WNT5A: variants seen among roughly 807,000 people sequenced by gnomAD.
The protein encoded by WNT5A is Wnt family member 5A, also known as protein Wnt-5a.
A neutral mutation model predicts 42.1 loss-of-function variants in WNT5A; 9 were observed. The ratio of observed to expected loss-of-function variants is 0.21; its 90% CI spans 0.13 to 0.37. The LOEUF (loss-of-function observed/expected upper bound fraction) is 0.37. WNT5A is among the 10% of genes least tolerant of loss of function. The probability of loss-of-function intolerance (pLI) is 1.00; values close to 1 mark genes in which losing one functional copy is unlikely to be tolerated. For missense variants in WNT5A, 426 were observed against 534.0 expected, an observed-to-expected ratio of 0.80 and a Z score of 1.99; for synonymous variants, 210 against 210.0, an observed-to-expected ratio of 1.00 and a Z score of 0.00.
the WNT5A span, among the ~76,000 whole-genome samples, chr3:55,501,247 T>C: frequency 6.6e-6 from 1 of 152,170 alleles, no homozygotes; most frequent in Non-Finnish European, 1.5e-5. Context: ...TGGCCTTAAA[T>C]GAGATTTCTG....
At chr3:55,471,355 C>T (rs915728349) in intron 4 of WNT5A, among the ~76,000 whole-genome samples, 3 of 152,156 alleles carry the variant, frequency 2.0e-5, no homozygotes, top group African/African-American at 7.2e-5. Context: ...ACCCCATCTA[C>T]TACCCCGCTA....
upstream of WNT5A, among the ~76,000 whole-genome samples, chr3:55,493,623 A>T (rs1240776711): frequency 6.6e-6 from 1 of 152,248 alleles, no homozygotes; most frequent in Non-Finnish European, 1.5e-5. Flanking sequence ...TGACTCACAC[A>T]GAGAACGTGT....
upstream of WNT5A, among the ~76,000 whole-genome samples, chr3:55,494,698 C>T (rs1022188330): frequency 6.6e-6 from 1 of 152,178 alleles, no homozygotes; most frequent in Non-Finnish European, 1.5e-5. Context: ...GCCACCACGC[C>T]TGGCTAATTT....
At chr3:55,494,122 A>T (rs1468994485), upstream of WNT5A, 1 of 152,376 alleles carries the variant, frequency 6.6e-6, no homozygotes, top group South Asian at 2.1e-4. Flanking sequence ...ACATGGAAGA[A>T]GCAGACTTTT....
upstream of WNT5A, among the ~76,000 whole-genome samples, chr3:55,491,152 C>T (rs1054121218): frequency 4.6e-5 from 7 of 152,296 alleles, no homozygotes; most frequent in Middle Eastern, 3.4e-3. Context: ...GGAGAACCAA[C>T]TTGAAATCCC....
In WNT5A at chr3:55,468,231, T is replaced by A. The variant is rs573431028; in HGVS notation, c.*1861A>T. ...ACTGTCATTTCTAATAGGCATGGGT[T>A]TCCATTCTGCAGAATGAACTAAGAA... On this transcript the variant is annotated 3_prime_UTR_variant, in exon 5 of 5. Coordinates refer to ENST00000264634, the MANE Select transcript of WNT5A (RefSeq NM_003392.7). The A allele has an allele frequency of 7.6e-4, 115 of 152,112 alleles. No homozygotes were observed. The highest frequency in any genetic ancestry group is 2.7e-3 in the African/African-American group (111 of 41,534). 9.4% of individuals were successfully genotyped at this position (152,112 alleles called of 1,614,324 possible).
In WNT5A at chr3:55,470,314, G is replaced by A. The variant is rs2051223665; in HGVS notation, c.921C>T (p.Asp307=). 1 of 1,614,066 alleles carries A rather than the reference G, an allele frequency of 6.2e-7. No homozygotes were observed. The highest frequency in any genetic ancestry group is 8.5e-7 in the Non-Finnish European group (1 of 1,179,908). ...CGGTGCTCTCATTGCGCACGCAGTA[G>A]TCAGGGCTGGGGTCGATGTAGACCA... ...QDLVYIDPSP[D]YCVRNESTGS... The change falls in exon 5 of 5, where the codon GAC becomes GAT. Residue 307 remains aspartate (D), a synonymous_variant. Transcript: ENST00000264634.
At chr3:55,475,140 T>C (rs1021056088) in intron 3 of WNT5A, among the ~76,000 whole-genome samples, 4 of 152,310 alleles carry the variant, frequency 2.6e-5, no homozygotes, top group Admixed American at 6.5e-5. Context: ...CAGTGCTGGA[T>C]TGATTTTCTC....
chr3:55,470,892 C>A (rs150809587), intron 4 of WNT5A, among the ~76,000 whole-genome samples: 1 of 152,208 alleles, frequency 6.6e-6, no homozygotes, highest in Non-Finnish European at 1.5e-5. Flanking sequence ...AATGCATTAC[C>A]TGAATTAATC....
At chr3:55,500,418 T>C in the WNT5A span, among the ~76,000 whole-genome samples, 1 of 152,260 alleles carries the variant, frequency 6.6e-6, no homozygotes, top group African/African-American at 2.4e-5. Context: ...AGTTAAGTTT[T>C]GGTTCACTAA....
At chr3:55,500,376 A>G in the WNT5A span, among the ~76,000 whole-genome samples, 12 of 152,268 alleles carry the variant, frequency 7.9e-5, no homozygotes. Context: ...ATGGATGGCC[A>G]TGAATACCCA....
Position 55,487,205 on chromosome 3 carries a change from A to C in WNT5A, c.-220T>G. On this transcript the variant is annotated 5_prime_UTR_variant, in exon 1 of 5. Coordinates refer to ENST00000264634, the MANE Select transcript of WNT5A (RefSeq NM_003392.7). ...GGGCAGAGCTGGGATGCGCCCAGGA[A>C]TGGAGGGGGCGCGGACGCGCGCGAG... The C allele has an allele frequency of 5.9e-6, 3 of 505,982 alleles. No individual in the cohort carries two copies. Among genetic ancestry groups the C allele is most frequent in the African/African-American group, 2.1e-5 (1 of 48,462 alleles). The allele number at this position is 505,982 out of a possible 1,614,324, so 31.3% of individuals were successfully genotyped here.
intron 1 of WNT5A, chr3:55,481,400 C>T (rs928528075): frequency 1.0e-6 from 1 of 984,868 alleles, no homozygotes; most frequent in East Asian, 1.1e-4. Context: ...GAGTGGAGCG[C>T]GCTGCCGCCA....
chr3:55,492,934 C>T (rs1328612473), upstream of WNT5A, among the ~76,000 whole-genome samples: 1 of 152,202 alleles, frequency 6.6e-6, no homozygotes, highest in Non-Finnish European at 1.5e-5. Flanking sequence ...GAACACCAGA[C>T]GTGCACACAA....
chr3:55,470,996 G>A (rs988105125), intron 4 of WNT5A, among the ~76,000 whole-genome samples: 2 of 152,096 alleles, frequency 1.3e-5, no homozygotes, highest in East Asian at 3.9e-4. Context: ...CCCAACTCCC[G>A]GGGAGTAAAG....
At chr3:55,493,589 C>A (rs1029226446), upstream of WNT5A, among the ~76,000 whole-genome samples, 2 of 152,110 alleles carry the variant, frequency 1.3e-5, no homozygotes, top group Non-Finnish European at 2.9e-5. Context: ...TGGCCTTGTT[C>A]ATAGTTGTGA....
chr3:55,472,628 AG>A (rs890993670), intron 4 of WNT5A, among the ~76,000 whole-genome samples: 3 of 152,166 alleles, frequency 2.0e-5, no homozygotes, highest in African/African-American at 7.2e-5. Context: ...GGCCTGAGAA[AG>A]GAGAGGCCAC....
At chr3:55,499,972 C>CCCCG in the WNT5A span, among the ~76,000 whole-genome samples, 2 of 75,694 alleles carry the variant, frequency 2.6e-5, no homozygotes, top group African/African-American at 1.8e-4. Context: ...GAGACTCCAT[C>CCCCG]CCCCCTCCAA....
At chr3:55,486,904 G>A (rs2051588069) in intron 1 of WNT5A, 76 bp downstream of exon 1, 1 of 1,028,474 alleles carries the variant, frequency 9.7e-7, no homozygotes, top group Non-Finnish European at 1.5e-6. Flanking sequence ...AGGAAGAGGC[G>A]AAGGGAACTC....
Sources: allele counts gnomAD v4.1 joint callset (sites outside exome capture counted in the v4.1 genomes callset), GRCh38; gene constraint gnomAD v4.1.1; transcripts MANE v1.5; gene names NCBI Gene and HGNC (gene_info 2026-07-23, HGNC 2026-07-21).